The following PDE10A variants were observed in gnomAD, a reference collection of about 807,000 sequenced individuals.
PDE10A encodes cAMP and cAMP-inhibited cGMP 3',5'-cyclic phosphodiesterase 10A.
PDE10A carries 39 observed loss-of-function variants against 97.7 expected under a neutral mutation model. The observed-to-expected ratio is 0.40, with a 90% CI of 0.31 to 0.52. The LOEUF is 0.52. Among genes scored for constraint, PDE10A ranks in the 20% least tolerant of loss-of-function variants. The pLI is 0.56. For missense variants in PDE10A, 731 were observed against 1,047.8 expected, an observed-to-expected ratio of 0.70 and a Z score of 4.17; for synonymous variants, 371 against 376.8, an observed-to-expected ratio of 0.98 and a Z score of 0.18.
At chr6:165,838,052 C>T (rs1036339140) in intron 1 of PDE10A, among the ~76,000 whole-genome samples, 3 of 152,194 alleles carry the variant, frequency 2.0e-5, no homozygotes, top group African/African-American at 4.8e-5. Context: ...TAGAAACGTA[C>T]AAGCTTCCTT....
chr6:165,817,748 A>G (rs868453881), intron 1 of PDE10A, among the ~76,000 whole-genome samples: 5 of 152,178 alleles, frequency 3.3e-5, no homozygotes, highest in African/African-American at 1.2e-4. Context: ...TTGACTGTCA[A>G]TGAGTTTAGA....
intron 1 of PDE10A, among the ~76,000 whole-genome samples, chr6:165,958,749 G>GAAAGAAAGAAAGAAAGAAA (rs1784265284): frequency 9.9e-6 from 1 of 100,790 alleles, no homozygotes; most frequent in African/African-American, 3.4e-5. Context: ...GAAAGAAAGA[G>GAAAGAAAGAAAGAAAGAAA]AAAGAAAGAA....
intron 2 of PDE10A, among the ~76,000 whole-genome samples, chr6:165,506,064 G>A (rs1781172757): frequency 6.6e-6 from 1 of 152,040 alleles, no homozygotes; most frequent in African/African-American, 2.4e-5. Context: ...TTCCTGTCGG[G>A]AAAATGTCTT....
Position 165,329,094 on chromosome 6 carries a change from A to C in PDE10A, c.*3931T>G, listed in dbSNP as rs913585887. 4.6e-5 allele frequency: 7 copies of C among 152,230 alleles called. No homozygotes were observed. The highest frequency in any genetic ancestry group is 1.7e-4 in the African/African-American group (7 of 41,462). The allele number at this position is 152,230 out of a possible 1,614,324, so 9.4% of individuals were successfully genotyped here. A position where few individuals can be genotyped will look rare whatever the true frequency, so the allele number is the denominator to read the frequency against. On this transcript the variant is annotated 3_prime_UTR_variant, in exon 22 of 22. Coordinates refer to ENST00000539869, the MANE Select transcript of PDE10A (RefSeq NM_001385079.1). The stretch of plus-strand genomic sequence containing the variant: ...TATAGTCTTTAAAGAATTAAATCCT[A>C]AATAAAATCTGCAAAGTGTAGAAAG...
intron 1 of PDE10A, among the ~76,000 whole-genome samples, chr6:165,855,908 G>C (rs1293134530): frequency 6.6e-6 from 1 of 152,162 alleles, no homozygotes; most frequent in Non-Finnish European, 1.5e-5. Context: ...CACATTTTCT[G>C]TGTGAAATGT....
At chr6:165,516,460 C>T (rs1222659430) in intron 2 of PDE10A, among the ~76,000 whole-genome samples, 1 of 152,138 alleles carries the variant, frequency 6.6e-6, no homozygotes, top group Non-Finnish European at 1.5e-5. Context: ...GGCTCTCCTG[C>T]CCCTGTTTTT....
intron 1 of PDE10A, among the ~76,000 whole-genome samples, chr6:165,685,602 T>C (rs938149712): frequency 6.6e-6 from 1 of 152,182 alleles, no homozygotes; most frequent in Non-Finnish European, 1.5e-5. Context: ...TGTATGTTCC[T>C]GGCAGCTTCT....
At chr6:165,701,568 A>G (rs373331104) in intron 1 of PDE10A, among the ~76,000 whole-genome samples, 1 of 152,194 alleles carries the variant, frequency 6.6e-6, no homozygotes, top group East Asian at 1.9e-4. Flanking sequence ...GGAAGGAGAC[A>G]AGCAGTTGCA....
At chr6:165,452,327 A>G (rs1791354836) in intron 3 of PDE10A, among the ~76,000 whole-genome samples, 1 of 152,244 alleles carries the variant, frequency 6.6e-6, no homozygotes, top group Non-Finnish European at 1.5e-5. Context: ...TCACAGAAAT[A>G]TTCAGCATGG....
chr6:165,340,520 G>GC (rs1301039372), intron 19 of PDE10A, among the ~76,000 whole-genome samples: 1 of 152,212 alleles, frequency 6.6e-6, no homozygotes, highest in East Asian at 1.9e-4. Flanking sequence ...CAAACCTTTT[G>GC]CTTCTCTATC....
chr6:165,801,875 A>C (rs886264413), intron 1 of PDE10A, among the ~76,000 whole-genome samples: 1 of 152,206 alleles, frequency 6.6e-6, no homozygotes, highest in African/African-American at 2.4e-5. Flanking sequence ...GCATGAAATA[A>C]GACCACTGCT....
intron 1 of PDE10A, among the ~76,000 whole-genome samples, chr6:165,716,541 C>A (rs1281241392): frequency 6.6e-6 from 1 of 152,154 alleles, no homozygotes; most frequent in Admixed American, 6.5e-5. Flanking sequence ...GACTTGGGAG[C>A]AGTTTCAATG....
chr6:165,821,946 T>C (rs1201149424), intron 1 of PDE10A, among the ~76,000 whole-genome samples: 1 of 152,100 alleles, frequency 6.6e-6, no homozygotes, highest in African/African-American at 2.4e-5. Flanking sequence ...ACATTCCTGT[T>C]CTGAAGGATG....
intron 18 of PDE10A, among the ~76,000 whole-genome samples, chr6:165,357,732 T>G (rs2128190332): frequency 1.5e-5 from 2 of 130,464 alleles, no homozygotes; most frequent in Middle Eastern, 3.7e-3. Flanking sequence ...TGGCAATTGG[T>G]GTTAATATTT....
chr6:165,796,526 G>A (rs1778838204), intron 1 of PDE10A, among the ~76,000 whole-genome samples: 1 of 152,128 alleles, frequency 6.6e-6, no homozygotes, highest in Non-Finnish European at 1.5e-5. Context: ...GATAACATTT[G>A]GGGGATGTAT....
intron 1 of PDE10A, among the ~76,000 whole-genome samples, chr6:165,549,131 C>T (rs1783884376): frequency 6.6e-6 from 1 of 152,088 alleles, no homozygotes; most frequent in Non-Finnish European, 1.5e-5. Context: ...ATTTTCTGCC[C>T]CAGACATAGA....
intron 1 of PDE10A, among the ~76,000 whole-genome samples, chr6:165,633,802 T>TTC (rs1788746274): frequency 6.6e-6 from 1 of 150,646 alleles, no homozygotes; most frequent in South Asian, 2.1e-4. Context: ...TAATTTTTTT[T>TTC]TTTTTCGTAT....
intron 2 of PDE10A, among the ~76,000 whole-genome samples, chr6:165,530,756 TAA>T (rs1782731299): frequency 6.6e-6 from 1 of 152,240 alleles, no homozygotes; most frequent in African/African-American, 2.4e-5. Context: ...AAGATATGTT[TAA>T]GTCATCAGTT....
At chr6:165,949,372 A>T (rs1429476235) in intron 1 of PDE10A, 1 of 152,240 alleles carries the variant, frequency 6.6e-6, no homozygotes, top group African/African-American at 2.4e-5. Flanking sequence ...GATGCCCTGG[A>T]AGGGGTCGGC....
Sources: allele counts gnomAD v4.1 joint callset (sites outside exome capture counted in the v4.1 genomes callset), GRCh38; gene constraint gnomAD v4.1.1; transcripts MANE v1.5; gene names NCBI Gene and HGNC (gene_info 2026-07-23, HGNC 2026-07-21).